SYT1: variants seen among roughly 807,000 people sequenced by gnomAD.
The protein encoded by SYT1 is synaptotagmin 1.
SYT1 carries 8 observed loss-of-function variants against 44.8 expected under a neutral mutation model. The observed-to-expected ratio is 0.18, with a 90% CI of 0.10 to 0.32. SYT1 has a LOEUF of 0.32. SYT1 is among the 10% of genes least tolerant of loss of function. The pLI, the probability that SYT1 is intolerant of heterozygous loss-of-function variation, is 1.00. For missense variants in SYT1, 286 were observed against 509.3 expected (o/e 0.56, Z 4.22); for synonymous variants, 154 against 188.8 (o/e 0.82, Z 1.51).
intron 3 of SYT1, among the ~76,000 whole-genome samples, chr12:79,089,672 ACACT>A (rs1418300992): frequency 2.0e-5 from 3 of 152,022 alleles, no homozygotes; most frequent in African/African-American, 2.4e-5. Context: ...ACAAGGGGTA[ACACT>A]CACCTCACAT....
intron 1 of SYT1, among the ~76,000 whole-genome samples, chr12:78,879,542 C>T (rs1019452030): frequency 6.6e-6 from 1 of 151,754 alleles, no homozygotes; most frequent in African/African-American, 2.4e-5. Flanking sequence ...TGAATGATTG[C>T]ACCATTCATC....
intron 3 of SYT1, among the ~76,000 whole-genome samples, chr12:79,198,317 T>TAACC (rs1198511125): frequency 6.6e-6 from 1 of 152,134 alleles, no homozygotes; most frequent in East Asian, 1.9e-4. Context: ...AATTCAGAAG[T>TAACC]AACCCATAAC....
intron 1 of SYT1, among the ~76,000 whole-genome samples, chr12:78,951,011 G>T (rs1335142185): frequency 6.6e-6 from 1 of 152,026 alleles, no homozygotes; most frequent in East Asian, 1.9e-4. Flanking sequence ...TTCCCATCTG[G>T]TGCATATTAT....
intron 1 of SYT1, among the ~76,000 whole-genome samples, chr12:78,902,405 G>C (rs1034540754): frequency 3.3e-5 from 5 of 151,966 alleles, no homozygotes; most frequent in Non-Finnish European, 7.4e-5. Flanking sequence ...GGACATCTCT[G>C]TACCTTCCAC....
At chr12:79,218,128 A>G (rs1007045091) in intron 4 of SYT1, among the ~76,000 whole-genome samples, 2 of 152,088 alleles carry the variant, frequency 1.3e-5, no homozygotes, top group African/African-American at 4.8e-5. Flanking sequence ...TAAAAATCTT[A>G]TTGTTATTTT....
At chr12:78,917,575 CGTTGTG>C (rs1565716498) in intron 1 of SYT1, among the ~76,000 whole-genome samples, 1 of 150,510 alleles carries the variant, frequency 6.6e-6, no homozygotes, top group African/African-American at 2.5e-5. Context: ...CAAACCTGCA[CGTTGTG>C]CACATGTACC....
intron 4 of SYT1, among the ~76,000 whole-genome samples, chr12:79,258,473 G>A (rs1211488376): frequency 1.3e-5 from 2 of 152,132 alleles, no homozygotes; most frequent in African/African-American, 2.4e-5. Context: ...CATGTGGGAC[G>A]CCTTGGTAAT....
At chr12:78,965,114 G>A (rs1879702772) in intron 1 of SYT1, among the ~76,000 whole-genome samples, 1 of 151,954 alleles carries the variant, frequency 6.6e-6, no homozygotes, top group South Asian at 2.1e-4. Context: ...TGTAAAATTT[G>A]TAAATTTAAA....
intron 1 of SYT1, among the ~76,000 whole-genome samples, chr12:78,961,818 T>C (rs1021250037): frequency 2.0e-5 from 3 of 152,088 alleles, no homozygotes; most frequent in Admixed American, 6.6e-5. Flanking sequence ...GCTTGATATG[T>C]CATATTTTGG....
chr12:79,304,215 G>A (rs562975622), intron 8 of SYT1, among the ~76,000 whole-genome samples: 3 of 152,300 alleles, frequency 2.0e-5, no homozygotes, highest in South Asian at 2.1e-4. Flanking sequence ...CACAATAGGC[G>A]TGAAAAACTA....
intron 3 of SYT1, among the ~76,000 whole-genome samples, chr12:79,110,115 TGAC>T (rs1206387211): frequency 6.6e-6 from 1 of 152,230 alleles, no homozygotes; most frequent in Non-Finnish European, 1.5e-5. Context: ...TGTCTCCTAT[TGAC>T]TTCTACTCCA....
chr12:78,989,122 G>A lies in SYT1; in HGVS notation c.-84+11191G>A, dbSNP rs574233445. On this transcript the variant is annotated intron_variant, in intron 2 of 10. Transcript: ENST00000261205. ...TGAAGCCATTTATTCTGATGGGGAA[G>A]ACTCCAACAGAAACGGGTAGGGGAG... 6.6e-5 allele frequency among the ~76,000 whole-genome samples: 10 copies of A among 152,166 alleles called. No individual in the cohort carries two copies. In the South Asian group the frequency reaches 2.1e-3, roughly 32 times the overall value.
At chr12:79,170,443 T>A (rs1024096424) in intron 3 of SYT1, among the ~76,000 whole-genome samples, 4 of 152,140 alleles carry the variant, frequency 2.6e-5, no homozygotes, top group Non-Finnish European at 5.9e-5. Context: ...ATTTCTCTAA[T>A]GATCAGTAAT....
chr12:79,324,795 G>T (rs1180089542), intron 8 of SYT1, among the ~76,000 whole-genome samples: 1 of 151,928 alleles, frequency 6.6e-6, no homozygotes, highest in African/African-American at 2.4e-5. Context: ...AGCTTTTTGT[G>T]AATATTCCAT....
At chr12:79,029,358 T>TAAAAAAAA (rs199597216) in intron 2 of SYT1, among the ~76,000 whole-genome samples, 2 of 133,128 alleles carry the variant, frequency 1.5e-5, no homozygotes, top group Non-Finnish European at 3.3e-5. Flanking sequence ...TACAAATCAG[T>TAAAAAAAA]AAAAAAAAAA....
chr12:78,992,416 G>C (rs1002395169), intron 2 of SYT1, among the ~76,000 whole-genome samples: 2 of 152,230 alleles, frequency 1.3e-5, no homozygotes, highest in African/African-American at 4.8e-5. Flanking sequence ...AACAGTGGAT[G>C]GCCATGGAAT....
chr12:79,367,045 T>A (rs905637232), intron 9 of SYT1, among the ~76,000 whole-genome samples: 1 of 152,026 alleles, frequency 6.6e-6, no homozygotes, highest in African/African-American at 2.4e-5. Flanking sequence ...TCCCATCTCC[T>A]GTAACTTGTG....
intron 4 of SYT1, among the ~76,000 whole-genome samples, chr12:79,278,846 G>A (rs1031244855): frequency 6.6e-6 from 1 of 151,682 alleles, no homozygotes; most frequent in Non-Finnish European, 1.5e-5. Context: ...CTACAGAAAT[G>A]TAAAGTATTA....
At chr12:79,418,786 G>A (rs559396857) in intron 9 of SYT1, among the ~76,000 whole-genome samples, 10 of 152,096 alleles carry the variant, frequency 6.6e-5, no homozygotes, top group African/African-American at 2.2e-4. Flanking sequence ...GTAACCAATG[G>A]CCCTGAAATG....
Sources: gnomAD v4.1 joint callset for allele counts (sites outside exome capture counted in the v4.1 genomes callset) on GRCh38, gnomAD v4.1.1 for gene constraint, MANE v1.5 for transcripts, NCBI Gene and HGNC (gene_info 2026-07-23, HGNC 2026-07-21) for gene names.